GRIN3A: variants seen among roughly 807,000 people sequenced by gnomAD.
GRIN3A encodes the protein glutamate receptor ionotropic, NMDA 3A.
In GRIN3A, 47 loss-of-function variants were observed where a neutral mutation model predicts 92.4. That is an observed-to-expected ratio of 0.51 (90% CI 0.40 to 0.65). The LOEUF (loss-of-function observed/expected upper bound fraction) is 0.65. Ranked by LOEUF, GRIN3A falls within the 30% of genes least tolerant of loss-of-function variation. The probability of loss-of-function intolerance (pLI) is 0.00; values close to 1 mark genes in which losing one functional copy is unlikely to be tolerated. For synonymous variants in GRIN3A, 527 were observed against 540.6 expected (o/e 0.97, Z 0.35); for missense variants, 1,324 against 1,393.1 (o/e 0.95, Z 0.79).
chr9:101,650,809 A>G (rs942193163), intron 3 of GRIN3A, among the ~76,000 whole-genome samples: 1 of 151,884 alleles, frequency 6.6e-6, no homozygotes, highest in Non-Finnish European at 1.5e-5. Context: ...CTCTGCCTGG[A>G]ATTCCACCCC....
chr9:101,680,369 G>A (rs891174928), intron 2 of GRIN3A, among the ~76,000 whole-genome samples: 18 of 152,130 alleles, frequency 1.2e-4, no homozygotes, highest in African/African-American at 4.3e-4. Flanking sequence ...TCTTCTCAAT[G>A]CCTGGCACAT....
At chr9:101,687,451 G>A (rs1264208006) in intron 1 of GRIN3A, among the ~76,000 whole-genome samples, 1 of 152,174 alleles carries the variant, frequency 6.6e-6, no homozygotes, top group Non-Finnish European at 1.5e-5. Context: ...AATATCAGAA[G>A]TAACACAATC....
chr9:101,616,732 G>A (rs1411051772), intron 5 of GRIN3A, among the ~76,000 whole-genome samples: 1 of 122,166 alleles, frequency 8.2e-6, no homozygotes, highest in Non-Finnish European at 1.6e-5. Flanking sequence ...CACACTCTGG[G>A]GACTGTGGTG....
In GRIN3A at chr9:101,738,077, G is replaced by T; in HGVS notation, c.-98C>A. ...TCTCCGCCTCCAGGTCCCGCGCGCAGCTTCACTCCACTCGGTGAAGCGGTC... is the reference window on the plus strand; with the variant it reads ...TCTCCGCCTCCAGGTCCCGCGCGCATCTTCACTCCACTCGGTGAAGCGGTC... On this transcript the variant is annotated 5_prime_UTR_variant, in exon 1 of 9. It adds an upstream start codon to the 5' untranslated region. Transcript: ENST00000361820. 9.8e-7 allele frequency: 1 copy of T among 1,022,330 alleles called. No homozygotes were observed. The highest frequency in any genetic ancestry group is 1.4e-5 in the South Asian group (1 of 73,362). The allele number at this position is 1,022,330 out of a possible 1,614,324, so 63.3% of individuals were successfully genotyped here.
intron 3 of GRIN3A, among the ~76,000 whole-genome samples, chr9:101,655,177 T>A (rs1422206484): frequency 1.3e-5 from 2 of 151,896 alleles, no homozygotes; most frequent in East Asian, 1.9e-4. Flanking sequence ...TAAGATATCA[T>A]AAACCACTCA....
At chr9:101,698,363 A>G (rs1483198292) in intron 1 of GRIN3A, among the ~76,000 whole-genome samples, 1 of 152,188 alleles carries the variant, frequency 6.6e-6, no homozygotes, top group Non-Finnish European at 1.5e-5. Context: ...TACATTTCCT[A>G]GAGTAGTCCA....
At chr9:101,688,682 G>C (rs1363222060) in intron 1 of GRIN3A, among the ~76,000 whole-genome samples, 1 of 152,102 alleles carries the variant, frequency 6.6e-6, no homozygotes, top group Non-Finnish European at 1.5e-5. Context: ...AGCACTTTGG[G>C]AGGCCGAGGC....
rs1263097215 is a variant in GRIN3A at position 101,569,711 on chromosome 9, T to G, written c.*3463A>C. 1 of 152,212 alleles carries G rather than the reference T, an allele frequency of 6.6e-6. No homozygotes were observed. The highest frequency in any genetic ancestry group is 2.4e-5 in the African/African-American group (1 of 41,446). 9.4% of individuals were successfully genotyped at this position (152,212 alleles called of 1,614,324 possible). A position where few individuals can be genotyped will look rare whatever the true frequency, so the allele number is the denominator to read the frequency against. Reference sequence around the variant, plus strand: ...AAACAGTATAGATAGTAAAGTAGTATTAATGCCTAGAAAGCAATTTCTGAA... The same window carrying G: ...AAACAGTATAGATAGTAAAGTAGTAGTAATGCCTAGAAAGCAATTTCTGAA... On this transcript the variant is annotated 3_prime_UTR_variant, in exon 9 of 9. Coordinates refer to ENST00000361820, the MANE Select transcript of GRIN3A (RefSeq NM_133445.3).
At chr9:101,598,033 G>A (rs1828162398) in intron 6 of GRIN3A, among the ~76,000 whole-genome samples, 1 of 152,192 alleles carries the variant, frequency 6.6e-6, no homozygotes, top group South Asian at 2.1e-4. Context: ...CAGTATGTGG[G>A]GATAAAGTAG....
At chr9:101,680,651 A>C (rs1829455929) in intron 2 of GRIN3A, among the ~76,000 whole-genome samples, 1 of 152,318 alleles carries the variant, frequency 6.6e-6, no homozygotes, top group East Asian at 1.9e-4. Context: ...AAAATGGATA[A>C]AACTATGAAT....
intron 3 of GRIN3A, among the ~76,000 whole-genome samples, chr9:101,632,436 C>T (rs1828727681): frequency 6.6e-6 from 1 of 152,072 alleles, no homozygotes; most frequent in South Asian, 2.1e-4. Flanking sequence ...TGTTATGCAA[C>T]AAGCACAGGG....
At chr9:101,621,115 T>C (rs1050368381) in intron 5 of GRIN3A, among the ~76,000 whole-genome samples, 53 of 151,912 alleles carry the variant, frequency 3.5e-4, no homozygotes, top group African/African-American at 1.2e-3. Flanking sequence ...TGAAATCCTG[T>C]CTCTACTAAA....
At chr9:101,683,640 G>C (rs1320768168) in intron 2 of GRIN3A, among the ~76,000 whole-genome samples, 1 of 152,098 alleles carries the variant, frequency 6.6e-6, no homozygotes, top group South Asian at 2.1e-4. Context: ...AAAGTCTCAG[G>C]TATACTTCCT....
intron 3 of GRIN3A, among the ~76,000 whole-genome samples, chr9:101,636,552 T>G (rs1360152236): frequency 2.0e-5 from 3 of 152,198 alleles, no homozygotes; most frequent in African/African-American, 7.2e-5. Flanking sequence ...ACCTGAGAAC[T>G]TGCACTATTA....
chr9:101,579,371 A>G lies in GRIN3A; in HGVS notation c.2767-11T>C. Reference sequence around the variant, plus strand: ...GCCCATTTGCAAAGTCTGTGACAGAATAGGAAAGAAAAGGCCATGAATACA... The same window carrying G: ...GCCCATTTGCAAAGTCTGTGACAGAGTAGGAAAGAAAAGGCCATGAATACA... On this transcript the variant is annotated splice_polypyrimidine_tract_variant and intron_variant, in intron 6 of 8. Transcript: ENST00000361820. 6.2e-7 allele frequency: 1 copy of G among 1,613,710 alleles called. No homozygotes were observed. Among genetic ancestry groups the G allele is most frequent in the Non-Finnish European group, 8.5e-7 (1 of 1,179,720 alleles).
At chr9:101,613,326 C>T in intron 6 of GRIN3A, 50 bp downstream of exon 6, 1 of 1,590,930 alleles carries the variant, frequency 6.3e-7, no homozygotes, top group African/African-American at 1.3e-5. Context: ...CTTATGTTCT[C>T]TGAGGTACAG....
At chr9:101,727,470 G>A (rs1358245711) in intron 1 of GRIN3A, among the ~76,000 whole-genome samples, 1 of 152,050 alleles carries the variant, frequency 6.6e-6, no homozygotes, top group East Asian at 1.9e-4. Context: ...ACAATAAAAT[G>A]GCTGCATCTC....
intron 2 of GRIN3A, among the ~76,000 whole-genome samples, chr9:101,684,472 C>G (rs550798732): frequency 1.3e-5 from 2 of 152,070 alleles, no homozygotes; most frequent in South Asian, 4.2e-4. Flanking sequence ...TTGGATAAGG[C>G]TCAATAATAG....
chr9:101,633,369 TACTGCATTACTTTATCC>T, intron 3 of GRIN3A, among the ~76,000 whole-genome samples: 1 of 152,366 alleles, frequency 6.6e-6, no homozygotes, highest in East Asian at 1.9e-4. Context: ...AGCTCCCTTC[TACTGCATTACTTTATCC>T]ACTTATAACC....
Sources: allele counts gnomAD v4.1 joint callset (sites outside exome capture counted in the v4.1 genomes callset), GRCh38; gene constraint gnomAD v4.1.1; transcripts MANE v1.5; gene names NCBI Gene and HGNC (gene_info 2026-07-23, HGNC 2026-07-21).